Variants in ECHDC2 observed in about 807,000 individuals in gnomAD.
ECHDC2 encodes the protein enoyl-CoA hydratase domain-containing protein 2, mitochondrial.
In ECHDC2, 34 loss-of-function variants were observed where a neutral mutation model predicts 40.6. That is an observed-to-expected ratio of 0.84 (90% CI 0.64 to 1.11). The LOEUF is 1.11. Among genes scored for constraint, ECHDC2 ranks in the 50% most tolerant of loss-of-function variants. The probability of loss-of-function intolerance (pLI) is 0.00; values close to 1 mark genes in which losing one functional copy is unlikely to be tolerated. For synonymous variants in ECHDC2, 162 were observed against 166.6 expected, an observed-to-expected ratio of 0.97 and a Z score of 0.21; for missense variants, 392 against 400.7, an observed-to-expected ratio of 0.98 and a Z score of 0.19.
intron 5 of ECHDC2, 31 bp from the exon 6 acceptor site, chr1:52,905,121 T>TC: frequency 6.2e-7 from 1 of 1,611,470 alleles, no homozygotes; most frequent in Non-Finnish European, 8.5e-7. Context: ...GAGGCCTCCC[T>TC]CCCCCATCCG....
At chr1:52,908,052 C>T (rs1648406656) in intron 3 of ECHDC2, 98 bp from the exon 4 acceptor site, 5 of 1,066,990 alleles carry the variant, frequency 4.7e-6, no homozygotes, top group Non-Finnish European at 7.0e-6. Flanking sequence ...TGAGGACAGG[C>T]AGCCAGCGAG....
intron 3 of ECHDC2, among the ~76,000 whole-genome samples, chr1:52,911,069 C>T (rs1297575878): frequency 4.6e-5 from 7 of 152,108 alleles, no homozygotes; most frequent in South Asian, 2.1e-4. Context: ...CTCCGCCTCC[C>T]GGGTTCAAGC....
chr1:52,912,209 G>GTT (rs34670458), intron 1 of ECHDC2: 624 of 156,660 alleles, frequency 4.0e-3, no homozygotes, highest in South Asian at 0.012. Flanking sequence ...GAGTTTTGCT[G>GTT]TTTTTTTTTT....
chr1:52,914,718 C>T lies in ECHDC2; in HGVS notation c.122-2928G>A, dbSNP rs981105690. Among the ~76,000 whole-genome samples, 1 of 152,172 alleles carries T rather than the reference C, an allele frequency of 6.6e-6. No homozygotes were observed. Among genetic ancestry groups the T allele is most frequent in the African/African-American group, 2.4e-5 (1 of 41,434 alleles). On this transcript the variant is annotated intron_variant, in intron 1 of 9. Transcript: ENST00000371522. This position sits in a 1 kb window ranked among gnomAD's most constrained non-coding sequence, Gnocchi z 4.0. ...CTATCAACTCAGAAGTTGATCCTGT[C>T]ACCTCGCTCTTACCTCACCTACAAA...
chr1:52,897,000 C>T (rs962041019), intron 9 of ECHDC2: 19 of 285,278 alleles, frequency 6.7e-5, no homozygotes, highest in Middle Eastern at 1.1e-3. Context: ...TATCTGTTAA[C>T]GTGGAGATTA....
intron 3 of ECHDC2, among the ~76,000 whole-genome samples, chr1:52,910,075 A>C (rs1372427678): frequency 6.6e-6 from 1 of 152,218 alleles, no homozygotes; most frequent in Admixed American, 6.5e-5. Context: ...CAGGCACCAA[A>C]AAACAAATAT....
chr1:52,915,442 T>C (rs1044284315), intron 1 of ECHDC2: 2 of 441,286 alleles, frequency 4.5e-6, no homozygotes, highest in Admixed American at 2.4e-5. Flanking sequence ...AACTGTAACA[T>C]TCAGGCAAAC....
At chr1:52,919,881 G>C (rs77887669) in intron 1 of ECHDC2, among the ~76,000 whole-genome samples, 1 of 152,310 alleles carries the variant, frequency 6.6e-6, no homozygotes, top group East Asian at 1.9e-4. Context: ...TTAATCTGCT[G>C]ATCCTTGTCA....
intron 7 of ECHDC2, chr1:52,901,896 A>G (rs866796306): frequency 6.6e-6 from 1 of 152,218 alleles, no homozygotes; most frequent in Non-Finnish European, 1.5e-5. Flanking sequence ...AGCTGCAATC[A>G]GCCACTCCAT....
intron 9 of ECHDC2, chr1:52,897,073 C>A: frequency 2.7e-6 from 1 of 377,154 alleles, no homozygotes; most frequent in East Asian, 4.9e-5. Flanking sequence ...ACAGCCCCTA[C>A]ATTGAACACA....
chr1:52,903,028 G>T (rs1557483650), intron 7 of ECHDC2, among the ~76,000 whole-genome samples: 1 of 152,068 alleles, frequency 6.6e-6, no homozygotes, highest in Non-Finnish European at 1.5e-5. Flanking sequence ...ATGGAAATTT[G>T]GGATCTCCTG....
chr1:52,914,198 G>C lies in ECHDC2; in HGVS notation c.122-2408C>G. ...CTCCAGTGGGCAGAGGGGAGCCCTA[G>C]TATAGAAGGTCAGCAATGAGTTATC... On this transcript the variant is annotated intron_variant, in intron 1 of 9. Transcript: ENST00000371522. This position sits in a 1 kb window ranked among gnomAD's most constrained non-coding sequence, Gnocchi z 4.0. 2.4e-6 allele frequency: 1 copy of C among 410,046 alleles called. No individual in the cohort carries two copies. The highest frequency in any genetic ancestry group is 4.8e-6 in the Non-Finnish European group (1 of 207,524). The allele number at this position is 410,046 out of a possible 1,614,324, so 25.4% of individuals were successfully genotyped here. A position where few individuals can be genotyped will look rare whatever the true frequency, so the allele number is the denominator to read the frequency against.
rs2150076668 is a variant in ECHDC2, at chr1:52,920,372, A to G, written c.121+1181T>C. 4.3e-6 allele frequency: 3 copies of G among 696,208 alleles called. No homozygotes were observed. In the East Asian group the frequency reaches 8.1e-5, roughly 19 times the overall value. The allele number at this position is 696,208 out of a possible 1,614,324, so 43.1% of individuals were successfully genotyped here. A position where few individuals can be genotyped will look rare whatever the true frequency, so the allele number is the denominator to read the frequency against. The stretch of plus-strand genomic sequence containing the variant: ...CTTGTTGTCAAGCCGGTAAAAAGGA[A>G]GCAATACTGCTGGGGAAGGGGCGGC... On this transcript the variant is annotated intron_variant, in intron 1 of 9. Transcript: ENST00000371522.
At chr1:52,916,696 T>G (rs1015657516) in intron 1 of ECHDC2, among the ~76,000 whole-genome samples, 5 of 152,208 alleles carry the variant, frequency 3.3e-5, no homozygotes, top group African/African-American at 1.2e-4. Context: ...TAATTTGCAC[T>G]ACCACATGCC....
intron 8 of ECHDC2, 118 bp downstream of exon 8, chr1:52,899,056 T>C: frequency 9.8e-7 from 1 of 1,015,332 alleles, no homozygotes. Flanking sequence ...AGTTCAAGTC[T>C]GTTAGAAGAG....
chr1:52,917,022 A>C (rs944350634), intron 1 of ECHDC2, among the ~76,000 whole-genome samples: 1 of 152,130 alleles, frequency 6.6e-6, no homozygotes, highest in African/African-American at 2.4e-5. Flanking sequence ...CAGGAGTTCA[A>C]CACCAGCCTG....
intron 7 of ECHDC2, chr1:52,901,317 A>ACTG (rs1646977457): frequency 1.3e-5 from 2 of 152,452 alleles, no homozygotes; most frequent in Admixed American, 1.3e-4. Context: ...AGGTGGAAGG[A>ACTG]CTGCTCAGGC....
intron 1 of ECHDC2, among the ~76,000 whole-genome samples, chr1:52,916,725 C>T (rs897151128): frequency 6.6e-6 from 1 of 152,152 alleles, no homozygotes; most frequent in Non-Finnish European, 1.5e-5. Context: ...GAGAAATGGA[C>T]AGTAATCAGC....
At chr1:52,920,419 A>G in intron 1 of ECHDC2, 2 of 900,428 alleles carry the variant, frequency 2.2e-6, no homozygotes, top group Non-Finnish European at 3.5e-6. Flanking sequence ...CCGGCCACGA[A>G]GGTGGCAAGA....
Sources: gnomAD v4.1 joint callset for allele counts (sites outside exome capture counted in the v4.1 genomes callset) on GRCh38, gnomAD v4.1.1 for gene constraint, Gnocchi (gnomAD v3.1) non-coding constraint, MANE v1.5 for transcripts, NCBI Gene and HGNC (gene_info 2026-07-23, HGNC 2026-07-21) for gene names.